Variants in PARN observed in about 807,000 individuals in gnomAD.
PARN encodes poly(A)-specific ribonuclease.
In PARN, 71 loss-of-function variants were observed where a neutral mutation model predicts 102.8. The observed-to-expected ratio is 0.69, with a 90% confidence interval of 0.57 to 0.84. PARN has a LOEUF of 0.84. Among genes scored for constraint, PARN ranks in the 40% least tolerant of loss-of-function variants. The pLI is 0.00. For synonymous variants in PARN, 261 were observed against 252.9 expected, an observed-to-expected ratio of 1.03 and a Z score of -0.30; for missense variants, 782 against 760.9, an observed-to-expected ratio of 1.03 and a Z score of -0.33.
chr16:14,536,600 C>T (rs1966617766), intron 21 of PARN, among the ~76,000 whole-genome samples: 1 of 152,124 alleles, frequency 6.6e-6, no homozygotes, highest in Non-Finnish European at 1.5e-5. Flanking sequence ...CACTTAAATA[C>T]TATATACACA....
chr16:14,473,129 C>T (rs1962842451), intron 22 of PARN, among the ~76,000 whole-genome samples: 1 of 152,060 alleles, frequency 6.6e-6, no homozygotes, highest in Non-Finnish European at 1.5e-5. Context: ...GTTGGTAAGT[C>T]AAGAAATGGA....
At position 14,617,602 on chromosome 16, in the gene PARN, CT is replaced by C; in HGVS notation, c.375del (p.Val126PhefsTer9). On this transcript the variant is annotated frameshift_variant, in exon 6 of 24. Transcript: ENST00000437198. LOFTEE classifies it high-confidence loss of function. ...CCCATAATCTTACCATTTCGAAAAACTTTATTAAAATCAAATCCCTGGCTTG... is the reference window on the plus strand; with the variant it reads ...CCCATAATCTTACCATTTCGAAAAACTTATTAAAATCAAATCCCTGGCTTG... ...FLASQGFDFNKVFRNGIPYLN... is the reference protein window; with the variant it reads ...FLASQGFDFNXVFRNGIPYLN... 1 of 1,565,886 alleles carries C rather than the reference CT, an allele frequency of 6.4e-7. No homozygotes were observed. The highest frequency in any genetic ancestry group is 8.8e-7 in the Non-Finnish European group (1 of 1,136,206).
At chr16:14,452,888 C>G (rs1393866375) in intron 22 of PARN, among the ~76,000 whole-genome samples, 2 of 152,184 alleles carry the variant, frequency 1.3e-5, no homozygotes, top group East Asian at 3.8e-4. Flanking sequence ...TTTAATTATA[C>G]ATTAAAAACC....
intron 21 of PARN, among the ~76,000 whole-genome samples, chr16:14,492,666 C>T (rs1356396603): frequency 6.6e-6 from 1 of 152,208 alleles, no homozygotes; most frequent in Non-Finnish European, 1.5e-5. Flanking sequence ...CCATGTGTCA[C>T]TTCACTTTAC....
At chr16:14,552,769 AG>A (rs1967394582) in intron 20 of PARN, among the ~76,000 whole-genome samples, 1 of 151,808 alleles carries the variant, frequency 6.6e-6, no homozygotes, top group Non-Finnish European at 1.5e-5. Flanking sequence ...ACCAACATGG[AG>A]AAACCCCAAC....
intron 18 of PARN, among the ~76,000 whole-genome samples, chr16:14,563,862 G>A (rs1415061823): frequency 6.6e-6 from 1 of 152,046 alleles, no homozygotes; most frequent in Non-Finnish European, 1.5e-5. Context: ...GGAATTATGA[G>A]TGGGATTTTT....
chr16:14,502,836 C>G (rs2151627295), intron 21 of PARN, among the ~76,000 whole-genome samples: 1 of 152,288 alleles, frequency 6.6e-6, no homozygotes. Context: ...CTCTCTGCTT[C>G]CGAACAGCCC....
chr16:14,594,609 G>T (rs1225030021), intron 12 of PARN, among the ~76,000 whole-genome samples: 1 of 152,066 alleles, frequency 6.6e-6, no homozygotes, highest in Non-Finnish European at 1.5e-5. Context: ...TCAGCAACTC[G>T]GGAGGCTGAG....
chr16:14,582,744 C>T (rs1276503532), intron 16 of PARN, among the ~76,000 whole-genome samples: 1 of 152,104 alleles, frequency 6.6e-6, no homozygotes, highest in Non-Finnish European at 1.5e-5. Flanking sequence ...TGCTCCACCA[C>T]TTATTTGCGG....
intron 3 of PARN, among the ~76,000 whole-genome samples, chr16:14,627,963 A>C (rs1381964221): frequency 6.6e-6 from 1 of 152,180 alleles, no homozygotes; most frequent in Non-Finnish European, 1.5e-5. Flanking sequence ...AGCAGTGATC[A>C]CGCCACTGCA....
At chr16:14,620,771 T>C (rs1449641614) in intron 5 of PARN, among the ~76,000 whole-genome samples, 1 of 152,166 alleles carries the variant, frequency 6.6e-6, no homozygotes, top group African/African-American at 2.4e-5. Context: ...GAGTTCTGGA[T>C]TGTCCTAATC....
chr16:14,582,861 A>G (rs1028965301), intron 16 of PARN, among the ~76,000 whole-genome samples: 10 of 152,132 alleles, frequency 6.6e-5, no homozygotes, highest in African/African-American at 1.4e-4. Context: ...ATAAGATAAT[A>G]TAAGTTAAAC....
chr16:14,576,623 T>C (rs757463684), intron 18 of PARN, among the ~76,000 whole-genome samples: 1 of 152,228 alleles, frequency 6.6e-6, no homozygotes, highest in African/African-American at 2.4e-5. Flanking sequence ...TTTCAATGCA[T>C]TGATTAAAAC....
chr16:14,503,216 C>T (rs993717751), intron 21 of PARN, among the ~76,000 whole-genome samples: 1 of 152,040 alleles, frequency 6.6e-6, no homozygotes, highest in Non-Finnish European at 1.5e-5. Flanking sequence ...AGACTTCCAC[C>T]TTCTCTTCTT....
intron 22 of PARN, among the ~76,000 whole-genome samples, chr16:14,473,848 G>A (rs913182347): frequency 3.3e-5 from 5 of 152,156 alleles, no homozygotes; most frequent in Admixed American, 6.6e-5. Flanking sequence ...AGACAAAGAC[G>A]GCAAAACGGG....
intron 22 of PARN, among the ~76,000 whole-genome samples, chr16:14,471,436 C>T (rs555931963): frequency 6.6e-5 from 10 of 152,248 alleles, no homozygotes; most frequent in African/African-American, 2.4e-4. Context: ...GCATTCTCTC[C>T]ATTCTCAACC....
intron 21 of PARN, chr16:14,501,462 A>AAAAAAAAAAAAAAAAAAAAAAAACC (rs1964609249): frequency 7.6e-6 from 1 of 131,364 alleles, no homozygotes; most frequent in Non-Finnish European, 1.7e-5. Flanking sequence ...AAAAAAAAAC[A>AAAAAAAAAAAAAAAAAAAAAAAACC]GAAAGAAAAA....
intron 21 of PARN, among the ~76,000 whole-genome samples, chr16:14,547,208 G>A (rs939582449): frequency 2.0e-5 from 3 of 152,058 alleles, no homozygotes; most frequent in Non-Finnish European, 4.4e-5. Flanking sequence ...GCCATGTACT[G>A]CTTCATCTGA....
At chr16:14,480,937 CA>C (rs1312780355) in intron 22 of PARN, among the ~76,000 whole-genome samples, 2 of 133,244 alleles carry the variant, frequency 1.5e-5, no homozygotes, top group African/African-American at 2.8e-5. Flanking sequence ...AGACCTGCCT[CA>C]AAAAATAAAT....
Sources: allele counts gnomAD v4.1 joint callset (sites outside exome capture counted in the v4.1 genomes callset), GRCh38; gene constraint gnomAD v4.1.1; transcripts MANE v1.5; gene names NCBI Gene and HGNC (gene_info 2026-07-23, HGNC 2026-07-21).